The following CEPT1 variants were observed in gnomAD, a reference collection of about 807,000 sequenced individuals.
CEPT1 encodes choline/ethanolaminephosphotransferase 1.
In CEPT1, 7 loss-of-function variants were observed where a neutral mutation model predicts 42.6. That is an observed-to-expected ratio of 0.16 (90% CI 0.09 to 0.31). The LOEUF is 0.31. CEPT1 is among the 10% of genes least tolerant of loss of function. CEPT1 has a pLI of 1.00. For synonymous variants in CEPT1, 171 were observed against 171.9 expected (o/e 0.99, Z 0.04); for missense variants, 306 against 502.1 (o/e 0.61, Z 3.73).
intron 1 of CEPT1, among the ~76,000 whole-genome samples, chr1:111,141,199 C>T (rs576393262): frequency 6.8e-4 from 104 of 152,112 alleles, no homozygotes; most frequent in Non-Finnish European, 1.2e-3. Context: ...GGAATATGTC[C>T]AGTCCGTAGA....
chr1:111,179,252 C>T (rs1468862108), intron 5 of CEPT1: 2 of 152,064 alleles, frequency 1.3e-5, no homozygotes, highest in Non-Finnish European at 2.9e-5. Flanking sequence ...AAGTGAATTT[C>T]ATTACATTGT....
chr1:111,175,872 A>G (rs1444967030), intron 5 of CEPT1, among the ~76,000 whole-genome samples: 2 of 152,296 alleles, frequency 1.3e-5, no homozygotes, highest in Non-Finnish European at 2.9e-5. Context: ...TACAGTATTT[A>G]TCATTCATTT....
chr1:111,162,882 G>A (rs1220075771), intron 4 of CEPT1, among the ~76,000 whole-genome samples: 1 of 152,190 alleles, frequency 6.6e-6, no homozygotes, highest in Non-Finnish European at 1.5e-5. Context: ...TATAAAATGT[G>A]TGACTGTGAT....
chr1:111,171,166 A>G (rs1210500935), intron 4 of CEPT1, among the ~76,000 whole-genome samples: 1 of 152,212 alleles, frequency 6.6e-6, no homozygotes, highest in Non-Finnish European at 1.5e-5. Context: ...AACCAAATGC[A>G]TTTGTCAGGC....
chr1:111,181,720 A>G (rs1656998959), intron 5 of CEPT1: 1 of 152,242 alleles, frequency 6.6e-6, no homozygotes, highest in East Asian at 1.9e-4. Flanking sequence ...TACTCTGCAG[A>G]TTTTTATATC....
intron 5 of CEPT1, chr1:111,179,483 A>C (rs1255363941): frequency 6.6e-6 from 1 of 152,220 alleles, no homozygotes; most frequent in Non-Finnish European, 1.5e-5. Context: ...ATGATGACAG[A>C]AAGAAAAAGA....
intron 2 of CEPT1, among the ~76,000 whole-genome samples, chr1:111,152,715 CTTTT>C (rs576531947): frequency 6.6e-6 from 1 of 152,052 alleles, no homozygotes; most frequent in Non-Finnish European, 1.5e-5. Context: ...TCCAATTATG[CTTTT>C]TAAGCTGAGA....
At chr1:111,146,373 C>G (rs1417357368) in intron 1 of CEPT1, among the ~76,000 whole-genome samples, 4 of 151,978 alleles carry the variant, frequency 2.6e-5, no homozygotes, top group African/African-American at 9.7e-5. Context: ...CCCCAAAAGC[C>G]AAAAAATAAC....
chr1:111,174,338 T>C (rs942133113), intron 4 of CEPT1, among the ~76,000 whole-genome samples: 3 of 152,066 alleles, frequency 2.0e-5, no homozygotes, highest in African/African-American at 7.2e-5. Flanking sequence ...CTAGTAAGAA[T>C]AGGAATTTGA....
At chr1:111,167,240 A>G (rs538681829) in intron 4 of CEPT1, 2 of 985,260 alleles carry the variant, frequency 2.0e-6, no homozygotes, top group Non-Finnish European at 2.4e-6. Flanking sequence ...TGTGAATTCA[A>G]TAAAGACAGC....
At chr1:111,159,698 G>T in intron 3 of CEPT1, 171 bp downstream of exon 3, 2 of 481,108 alleles carry the variant, frequency 4.2e-6, no homozygotes, top group Non-Finnish European at 3.5e-6. Context: ...GGTAGTGTTA[G>T]GAAATTTAGA....
intron 5 of CEPT1, among the ~76,000 whole-genome samples, chr1:111,176,122 G>A (rs1656664858): frequency 6.6e-6 from 1 of 152,082 alleles, no homozygotes; most frequent in Non-Finnish European, 1.5e-5. Context: ...TGAAGGGGGA[G>A]GAGATGAAGG....
In CEPT1 at chr1:111,183,606, C is replaced by A. The variant is rs771262800; in HGVS notation, c.1131+19C>A. On this transcript the variant is annotated intron_variant, in intron 8 of 8. Transcript: ENST00000357172. ...TGCCCTGGTAAGTATTGTACTAAGTCTTATTTCATGGTTTGAGGGTTTGAA... is the reference window on the plus strand; with the variant it reads ...TGCCCTGGTAAGTATTGTACTAAGTATTATTTCATGGTTTGAGGGTTTGAA... The A allele has an allele frequency of 1.4e-5, 23 of 1,598,984 alleles. No homozygotes were observed. In the Admixed American group the frequency reaches 2.0e-4, roughly 14 times the overall value.
intron 2 of CEPT1, among the ~76,000 whole-genome samples, chr1:111,152,426 A>G (rs1465892091): frequency 2.0e-5 from 3 of 152,010 alleles, no homozygotes; most frequent in Non-Finnish European, 4.4e-5. Flanking sequence ...CCTACCCCTC[A>G]CCCTAACCTC....
intron 3 of CEPT1, 147 bp from the exon 4 acceptor site, chr1:111,161,008 G>T: frequency 1.3e-6 from 1 of 780,830 alleles, no homozygotes; most frequent in Non-Finnish European, 2.1e-6. Context: ...TTATGTAACA[G>T]ATTATATCCT....
intron 4 of CEPT1, among the ~76,000 whole-genome samples, chr1:111,163,683 A>G (rs1655988507): frequency 6.6e-6 from 1 of 152,192 alleles, no homozygotes; most frequent in African/African-American, 2.4e-5. Context: ...ATGGAGGCAT[A>G]TAGAATAAAT....
chr1:111,160,240 G>A (rs1655798453), intron 3 of CEPT1: 1 of 152,104 alleles, frequency 6.6e-6, no homozygotes, highest in African/African-American at 2.4e-5. Flanking sequence ...AGTTTATTAT[G>A]TTTTTAGAGA....
At chr1:111,151,888 CAG>C (rs918943834) in intron 2 of CEPT1, among the ~76,000 whole-genome samples, 115 of 152,166 alleles carry the variant, frequency 7.6e-4, no homozygotes, top group African/African-American at 2.6e-3. Flanking sequence ...ATTGTTATGC[CAG>C]AGTCAGGTTG....
chr1:111,150,324 C>G (rs1463934982), intron 2 of CEPT1, among the ~76,000 whole-genome samples: 9 of 152,070 alleles, frequency 5.9e-5, no homozygotes, highest in Non-Finnish European at 1.2e-4. Context: ...ATATAATGTT[C>G]AAAATAGTAG....
Sources: allele counts gnomAD v4.1 joint callset (sites outside exome capture counted in the v4.1 genomes callset), GRCh38; gene constraint gnomAD v4.1.1; transcripts MANE v1.5; gene names NCBI Gene and HGNC (gene_info 2026-07-23, HGNC 2026-07-21).